Variants in ECPAS observed in about 807,000 individuals in gnomAD.
ECPAS encodes proteasome adapter and scaffold protein ECM29.
Under a neutral mutation model 255.1 loss-of-function variants are expected in ECPAS, and 70 were observed. That is an observed-to-expected ratio of 0.27 (90% CI 0.23 to 0.33). The LOEUF (loss-of-function observed/expected upper bound fraction) is 0.33. ECPAS is among the 10% of genes least tolerant of loss of function. The pLI is 1.00. For synonymous variants in ECPAS, 784 were observed against 775.0 expected, an observed-to-expected ratio of 1.01 and a Z score of -0.19; for missense variants, 1,817 against 2,206.4, an observed-to-expected ratio of 0.82 and a Z score of 3.54.
In ECPAS at chr9:111,389,590, C is replaced by T. The variant is rs751435653; in HGVS notation, c.3413G>A (p.Ser1138Asn). 1 of 1,613,694 alleles carries T rather than the reference C, an allele frequency of 6.2e-7. No individual in the cohort carries two copies. Among genetic ancestry groups the T allele is most frequent in the Non-Finnish European group, 8.5e-7 (1 of 1,179,772 alleles). ...GTCAGTGACCAACGCATTCCAAATA[C>T]TTGTCATGGCCTGTCGAATGCCAAG... Reference protein sequence around the residue: ...PNLGIRQAMTSIWNALVTDKS... With the variant: ...PNLGIRQAMTNIWNALVTDKS... The change falls in exon 31 of 50, where the codon AGT (serine) becomes AAT (asparagine). Residue 1138 changes from serine to asparagine, a missense_variant. Coordinates refer to ENST00000684092, the MANE Select transcript of ECPAS (RefSeq NM_001364929.1).
intron 24 of ECPAS, among the ~76,000 whole-genome samples, chr9:111,398,503 G>C (rs1297186066): frequency 6.6e-6 from 1 of 152,132 alleles, no homozygotes; most frequent in Non-Finnish European, 1.5e-5. Flanking sequence ...GATACATGGG[G>C]ATTCATTATA....
chr9:111,416,122 T>G (rs12338500), intron 18 of ECPAS, 150 bp downstream of exon 18: 246,687 of 559,528 alleles, frequency 0.44, 56,219 homozygotes, highest in Non-Finnish European at 0.48. Flanking sequence ...TCCCAATACT[T>G]TTTTTTTAAA....
chr9:111,403,407 A>T (rs762308235), intron 24 of ECPAS, among the ~76,000 whole-genome samples: 1 of 150,498 alleles, frequency 6.6e-6, no homozygotes, highest in Non-Finnish European at 1.5e-5. Context: ...GATTGAAGGT[A>T]AAGGTATGAA....
At chr9:111,374,711 C>G (rs1430686026) in intron 38 of ECPAS, among the ~76,000 whole-genome samples, 2 of 152,140 alleles carry the variant, frequency 1.3e-5, no homozygotes, top group African/African-American at 4.8e-5. Flanking sequence ...AGGGGGGTGT[C>G]TGATCCTTCA....
chr9:111,427,812 A>T (rs73533533), intron 10 of ECPAS, among the ~76,000 whole-genome samples: 1,866 of 152,278 alleles, frequency 0.012, 43 homozygotes, highest in African/African-American at 0.043. Flanking sequence ...TGGACTTTGG[A>T]GCATTTAGGA....
intron 18 of ECPAS, among the ~76,000 whole-genome samples, chr9:111,415,356 A>G (rs541796732): frequency 5.9e-5 from 9 of 152,234 alleles, no homozygotes; most frequent in African/African-American, 1.9e-4. Context: ...CAAGAATCTG[A>G]GAAAATGGGT....
chr9:111,384,471 TCAC>T, intron 34 of ECPAS, 48 bp downstream of exon 34: 2 of 1,509,932 alleles, frequency 1.3e-6, no homozygotes, highest in East Asian at 4.5e-5. Flanking sequence ...ATTGTCATGG[TCAC>T]CCAGAACCCT....
At chr9:111,376,605 C>T (rs1286411719) in intron 36 of ECPAS, 64 bp from the exon 37 acceptor site, 2 of 1,217,032 alleles carry the variant, frequency 1.6e-6, no homozygotes, top group Non-Finnish European at 1.2e-6. Flanking sequence ...CGCACAAACA[C>T]CCATAAAAGA....
chr9:111,449,391 A>G (rs2098257321), intron 3 of ECPAS, among the ~76,000 whole-genome samples: 3 of 152,206 alleles, frequency 2.0e-5, no homozygotes, highest in Admixed American at 2.0e-4. Flanking sequence ...TATTAAGAAT[A>G]GCATAAAATT....
intron 2 of ECPAS, among the ~76,000 whole-genome samples, chr9:111,464,575 CAG>C (rs1444811110): frequency 6.6e-6 from 1 of 152,012 alleles, no homozygotes; most frequent in East Asian, 1.9e-4. Flanking sequence ...ATAAATTATG[CAG>C]AGTCACACAA....
Position 111,481,000 on chromosome 9 carries a change from T to A in ECPAS, c.-83+3116A>T, listed in dbSNP as rs118146705. Among the ~76,000 whole-genome samples the A allele has an allele frequency of 9.3e-4, 141 of 152,318 alleles. 4 individuals are homozygous for A. In the East Asian group the frequency reaches 0.023, roughly 24 times the overall value. ...TCTAGTTTTGTTCCCATTCCTGCTATCAATTCAGACTTTAATGTGTTTGGT... is the reference window on the plus strand; with the variant it reads ...TCTAGTTTTGTTCCCATTCCTGCTAACAATTCAGACTTTAATGTGTTTGGT... On this transcript the variant is annotated intron_variant, in intron 1 of 49. Coordinates refer to ENST00000684092, the MANE Select transcript of ECPAS (RefSeq NM_001364929.1).
rs768535902 is a variant in ECPAS at position 111,370,528 on chromosome 9, A to G, written c.4881T>C (p.Ile1627=). The G allele has an allele frequency of 1.2e-6, 2 of 1,611,522 alleles. No individual in the cohort carries two copies. The highest frequency in any genetic ancestry group is 2.2e-5 in the South Asian group (2 of 90,452). Residue 1627 remains isoleucine, a synonymous_variant, in exon 45 of 50, where the codon ATT becomes ATC. Transcript: ENST00000684092. Reference sequence around the variant, plus strand: ...TATCAGCTGCACAGCTGATTGCTACAATCTTGTATTTGACATTCTCTTTGC... The same window carrying G: ...TATCAGCTGCACAGCTGATTGCTACGATCTTGTATTTGACATTCTCTTTGC... ...ECSKENVKYK[I]VAISCAADIL... is the part of the protein sequence containing the mutation.
Position 111,371,774 on chromosome 9 carries a change from C to G in ECPAS, c.4584G>C (p.Lys1528Asn), listed in dbSNP as rs898103946. 2.5e-6 allele frequency: 4 copies of G among 1,613,700 alleles called. No homozygotes were observed. Reference sequence around the variant, plus strand: ...TTTTCCAGGACTGAGACTGCAAAGCCTTCTGGGTAATAGTAATTAACTCCT... The same window carrying G: ...TTTTCCAGGACTGAGACTGCAAAGCGTTCTGGGTAATAGTAATTAACTCCT... Reference protein sequence around the residue: ...YLQELITITQKALQSQSWKMK... With the variant: ...YLQELITITQNALQSQSWKMK... The change falls in exon 43 of 50, where the codon AAG becomes AAC. Residue 1528 changes from lysine (K) to asparagine (N), a missense_variant. Physicochemically the swap from Lys to Asn is moderately conservative, Grantham distance 94. Transcript: ENST00000684092.
In ECPAS at chr9:111,420,129, T is replaced by C. The variant is rs778328902; in HGVS notation, c.1456-9A>G. The C allele has an allele frequency of 1.8e-5, 29 of 1,598,198 alleles. No homozygotes were observed. The Middle Eastern group carries it at 6.6e-4, about 36-fold the overall frequency. ...CGAACTTGAACTTCAGGCTATTTCATGTGTAAACATACACAGACCACCCCG... is the reference window on the plus strand; with the variant it reads ...CGAACTTGAACTTCAGGCTATTTCACGTGTAAACATACACAGACCACCCCG... On this transcript the variant is annotated splice_polypyrimidine_tract_variant and intron_variant, in intron 15 of 49. Coordinates refer to ENST00000684092, the MANE Select transcript of ECPAS (RefSeq NM_001364929.1).
chr9:111,422,885 C>T (rs1564534979), intron 13 of ECPAS, among the ~76,000 whole-genome samples: 1 of 152,102 alleles, frequency 6.6e-6, no homozygotes, highest in Non-Finnish European at 1.5e-5. Flanking sequence ...AAGATTAGTG[C>T]CAAGTAGCAA....
In ECPAS at chr9:111,422,171, A is replaced by G; in HGVS notation, c.1295T>C (p.Ile432Thr). ...TTCAAAAAGCTGCTGCACAAGCGCT[A>G]TATCCTTAGTGAATAAATGTGGCAT... ...SRMPHLFTKDIALVQQLFEAL... is the reference protein window; with the variant it reads ...SRMPHLFTKDTALVQQLFEAL... The change falls in exon 14 of 50, where the codon ATA (isoleucine) becomes ACA (threonine). Residue 432 changes from isoleucine (I) to threonine (T), a missense_variant. Coordinates refer to ENST00000684092, the MANE Select transcript of ECPAS (RefSeq NM_001364929.1). 1.2e-6 allele frequency: 2 copies of G among 1,613,814 alleles called. No homozygotes were observed. The highest frequency in any genetic ancestry group is 2.2e-5 in the South Asian group (2 of 91,066).
chr9:111,427,849 C>A (rs534568293), intron 10 of ECPAS, among the ~76,000 whole-genome samples, 193 bp downstream of exon 10: 96 of 152,246 alleles, frequency 6.3e-4, no homozygotes, highest in Non-Finnish European at 4.7e-4. Context: ...TAGAGATGCT[C>A]AACCTATATA....
chr9:111,480,445 G>A (rs564256553), intron 1 of ECPAS, among the ~76,000 whole-genome samples: 3 of 151,858 alleles, frequency 2.0e-5, no homozygotes, highest in Admixed American at 1.3e-4. Context: ...CTACAGGCAC[G>A]TGCCGCCACA....
intron 1 of ECPAS, among the ~76,000 whole-genome samples, chr9:111,481,171 G>T (rs72748013): frequency 0.031 from 4,738 of 152,320 alleles, 98 homozygotes; most frequent in Non-Finnish European, 0.047. Flanking sequence ...ATTGTTGGTG[G>T]TAATGTAAAA....
Sources: allele counts gnomAD v4.1 joint callset (sites outside exome capture counted in the v4.1 genomes callset), GRCh38; gene constraint gnomAD v4.1.1; transcripts MANE v1.5; gene names NCBI Gene and HGNC (gene_info 2026-07-23, HGNC 2026-07-21).